The following DCDC1 variants were observed in gnomAD, a reference collection of about 807,000 sequenced individuals.
The protein encoded by DCDC1 is doublecortin domain-containing protein 1.
A neutral mutation model predicts 178.3 loss-of-function variants in DCDC1; 200 were observed. The observed-to-expected ratio is 1.12, with a 90% CI of 1.00 to 1.26. DCDC1 has a LOEUF of 1.26. Among genes scored for constraint, DCDC1 ranks in the 50% most tolerant of loss-of-function variants. The pLI, the probability that DCDC1 is intolerant of heterozygous loss-of-function variation, is 0.00. For missense variants in DCDC1, 1,983 were observed against 1,749.2 expected (o/e 1.13, Z -2.38); for synonymous variants, 690 against 604.8 (o/e 1.14, Z -2.07).
At chr11:31,250,756 A>G (rs1943968430) in intron 8 of DCDC1, among the ~76,000 whole-genome samples, 1 of 135,746 alleles carries the variant, frequency 7.4e-6, no homozygotes, top group African/African-American at 2.6e-5. Context: ...AGCATCCCTA[A>G]TATTTTTTTT....
intron 9 of DCDC1, among the ~76,000 whole-genome samples, chr11:31,160,895 C>A (rs1221033997): frequency 6.6e-6 from 1 of 152,142 alleles, no homozygotes; most frequent in Non-Finnish European, 1.5e-5. Context: ...ATTTCTGGCA[C>A]TGGCTGCATT....
At chr11:31,050,733 A>G (rs1011889721) in intron 20 of DCDC1, among the ~76,000 whole-genome samples, 4 of 152,192 alleles carry the variant, frequency 2.6e-5, no homozygotes, top group African/African-American at 9.7e-5. Flanking sequence ...TCACTGCTTC[A>G]CTAGACCCAG....
Position 30,922,541 on chromosome 11 carries a change from G to T in DCDC1, c.3095C>A (p.Ala1032Asp), listed in dbSNP as rs1946316196. ...TGTGCTGCAGAAGATTTGAATTTTG[G>T]CAATGTCTGATTCTAGGTTCCTCAG... The part of the protein sequence containing the change: ...IFLRNLESDI[A>D]KIQIFCSTHK... Residue 1032 changes from alanine (A) to aspartate (D), a missense_variant, in exon 24 of 39, where the codon GCC becomes GAC. Physicochemically the swap from Ala to Asp is moderately radical, Grantham distance 126. Transcript: ENST00000684477. The T allele has an allele frequency of 6.3e-7, 1 of 1,578,742 alleles. No homozygotes were observed. The highest frequency in any genetic ancestry group is 1.2e-5 in the South Asian group (1 of 84,382).
intron 36 of DCDC1, among the ~76,000 whole-genome samples, chr11:30,886,727 G>A (rs1943202421): frequency 6.6e-6 from 1 of 151,744 alleles, no homozygotes; most frequent in South Asian, 2.1e-4. Context: ...TAAATTTTGG[G>A]GCACAATTCA....
chr11:31,294,396 A>G (rs1178242634), intron 6 of DCDC1, among the ~76,000 whole-genome samples: 1 of 151,628 alleles, frequency 6.6e-6, no homozygotes, highest in Non-Finnish European at 1.5e-5. Context: ...AGCCTGGCCA[A>G]CATGGTGAAA....
chr11:31,089,465 G>A (rs1483223789), intron 17 of DCDC1, among the ~76,000 whole-genome samples: 2 of 152,014 alleles, frequency 1.3e-5, no homozygotes, highest in African/African-American at 4.8e-5. Flanking sequence ...GGATCAGTGG[G>A]TTATAGCTCT....
intron 8 of DCDC1, among the ~76,000 whole-genome samples, chr11:31,247,614 G>A (rs1943660841): frequency 6.6e-6 from 1 of 151,882 alleles, no homozygotes; most frequent in Non-Finnish European, 1.5e-5. Flanking sequence ...TCTGAATAGG[G>A]CCCATTTGCA....
intron 9 of DCDC1, among the ~76,000 whole-genome samples, chr11:31,184,419 A>G (rs891965865): frequency 6.6e-6 from 1 of 152,206 alleles, no homozygotes; most frequent in Non-Finnish European, 1.5e-5. Context: ...AATGACAACC[A>G]AAGTCAAAAT....
At chr11:31,123,546 T>TA (rs1047880416) in intron 11 of DCDC1, among the ~76,000 whole-genome samples, 120 of 143,846 alleles carry the variant, frequency 8.3e-4, no homozygotes, top group Admixed American at 1.3e-3. Context: ...ATTGGTATCT[T>TA]AAAAAAAAAA....
intron 9 of DCDC1, among the ~76,000 whole-genome samples, chr11:31,173,314 G>A (rs1967505750): frequency 6.6e-6 from 1 of 152,166 alleles, no homozygotes; most frequent in Non-Finnish European, 1.5e-5. Context: ...CACTGGCATG[G>A]TACAATTACG....
chr11:31,251,259 G>A (rs573211790), intron 8 of DCDC1, among the ~76,000 whole-genome samples: 46 of 152,276 alleles, frequency 3.0e-4, no homozygotes, highest in African/African-American at 1.1e-3. Context: ...ATGTAACAGG[G>A]ATACCCATCT....
chr11:31,161,958 G>T (rs1054239636), intron 9 of DCDC1, among the ~76,000 whole-genome samples: 1 of 152,142 alleles, frequency 6.6e-6, no homozygotes. Context: ...TCATCAGAAA[G>T]AAAATGTTCA....
At chr11:31,124,482 C>T (rs528621848) in intron 11 of DCDC1, among the ~76,000 whole-genome samples, 1 of 152,086 alleles carries the variant, frequency 6.6e-6, no homozygotes, top group South Asian at 2.1e-4. Context: ...CAGGACAATC[C>T]TAATCAAAAA....
At chr11:31,108,629 T>G (rs1364806317) in intron 12 of DCDC1, among the ~76,000 whole-genome samples, 1 of 152,210 alleles carries the variant, frequency 6.6e-6, no homozygotes, top group East Asian at 1.9e-4. Flanking sequence ...GAGGTAGACA[T>G]GTGATGTGAG....
chr11:31,234,351 G>C (rs996119053), intron 9 of DCDC1, among the ~76,000 whole-genome samples: 15 of 152,250 alleles, frequency 9.9e-5, no homozygotes, highest in Non-Finnish European at 1.9e-4. Flanking sequence ...TTTATTATTT[G>C]AAAATCAGAA....
intron 20 of DCDC1, among the ~76,000 whole-genome samples, chr11:31,021,332 T>C (rs1240392461): frequency 6.6e-6 from 1 of 152,326 alleles, no homozygotes; most frequent in Middle Eastern, 3.4e-3. Flanking sequence ...AACCTCAACG[T>C]TCACCATTAG....
chr11:30,964,199 G>C (rs913204348), intron 20 of DCDC1, among the ~76,000 whole-genome samples: 1 of 152,076 alleles, frequency 6.6e-6, no homozygotes. Flanking sequence ...AAACTTACAG[G>C]TCTGTGTGAG....
intron 1 of DCDC1, among the ~76,000 whole-genome samples, chr11:31,364,604 G>A (rs1951869913): frequency 6.6e-6 from 1 of 152,054 alleles, no homozygotes; most frequent in African/African-American, 2.4e-5. Flanking sequence ...CAACAAGTGC[G>A]GTGCCCGCAA....
chr11:31,236,157 A>G (rs540664317), intron 9 of DCDC1, among the ~76,000 whole-genome samples: 105 of 147,688 alleles, frequency 7.1e-4, no homozygotes, highest in African/African-American at 2.3e-3. Flanking sequence ...AATGATGGAA[A>G]ATAAACACTA....
Sources: allele counts gnomAD v4.1 joint callset (sites outside exome capture counted in the v4.1 genomes callset), GRCh38; gene constraint gnomAD v4.1.1; transcripts MANE v1.5; gene names NCBI Gene and HGNC (gene_info 2026-07-23, HGNC 2026-07-21).